The following GDA variants were observed in gnomAD, a reference collection of about 807,000 sequenced individuals.
The protein encoded by GDA is cytoplasmic PSD-95 interactor.
In GDA, 18 loss-of-function variants were observed where a neutral mutation model predicts 59.6. The ratio of observed to expected loss-of-function variants is 0.30; its 90% CI spans 0.21 to 0.45. The LOEUF (loss-of-function observed/expected upper bound fraction) is 0.45. Among genes scored for constraint, GDA ranks in the 20% least tolerant of loss-of-function variants. The probability of loss-of-function intolerance (pLI) is 1.00; values close to 1 mark genes in which losing one functional copy is unlikely to be tolerated. For synonymous variants in GDA, 201 were observed against 201.1 expected, an observed-to-expected ratio of 1.00 and a Z score of 0.00; for missense variants, 427 against 552.3, an observed-to-expected ratio of 0.77 and a Z score of 2.27.
downstream of GDA, among the ~76,000 whole-genome samples, chr9:72,256,663 A>AT (rs1564235596): frequency 6.6e-6 from 1 of 152,236 alleles, no homozygotes; most frequent in Non-Finnish European, 1.5e-5. Flanking sequence ...GAAAAGTAAG[A>AT]TAAGAATGAA....
intron 1 of GDA, among the ~76,000 whole-genome samples, chr9:72,142,336 C>T (rs1158520577): frequency 6.6e-6 from 1 of 151,968 alleles, no homozygotes; most frequent in Non-Finnish European, 1.5e-5. Context: ...TGGAAACTGG[C>T]CGGGTGCGGT....
At position 72,178,654 on chromosome 9, in the gene GDA, G is replaced by A. The variant is rs138252063; in HGVS notation, c.124-16846G>A. On this transcript the variant is annotated intron_variant, in intron 1 of 13. Transcript: ENST00000358399. ...GCTGGTCTCGAACTCCTGACCTCAG[G>A]TGTTCTGCCCGCCTTGGCCTCCCAA... 1.7e-3 allele frequency among the ~76,000 whole-genome samples: 263 copies of A among 152,212 alleles called. 2 individuals are homozygous for A. Among genetic ancestry groups the A allele is most frequent in the African/African-American group, 6.1e-3 (253 of 41,542 alleles).
chr9:72,147,864 G>A (rs1225945310), upstream of GDA, among the ~76,000 whole-genome samples: 2 of 152,134 alleles, frequency 1.3e-5, no homozygotes, highest in African/African-American at 2.4e-5. Flanking sequence ...CAAGGAGCAG[G>A]GACAAGTGTA....
rs973526926 is a variant in GDA, at chr9:72,251,474, C to T, written c.*3132C>T. ...CAAAATTTGGATGCTTCTGGAGACTCTTAGACATCTTTTCATTGTTGTCCA... is the reference window on the plus strand; with the variant it reads ...CAAAATTTGGATGCTTCTGGAGACTTTTAGACATCTTTTCATTGTTGTCCA... On this transcript the variant is annotated 3_prime_UTR_variant, in exon 14 of 14. Transcript: ENST00000358399. 1 of 152,106 alleles carries T rather than the reference C, an allele frequency of 6.6e-6. No individual in the cohort carries two copies. Among genetic ancestry groups the T allele is most frequent in the Non-Finnish European group, 1.5e-5 (1 of 68,014 alleles). 9.4% of individuals were successfully genotyped at this position (152,106 alleles called of 1,614,324 possible). A position where few individuals can be genotyped will look rare whatever the true frequency, so the allele number is the denominator to read the frequency against.
intron 1 of GDA, among the ~76,000 whole-genome samples, chr9:72,155,048 C>T (rs550167744): frequency 6.6e-6 from 1 of 152,292 alleles, no homozygotes; most frequent in African/African-American, 2.4e-5. Context: ...CGTGAAGTGA[C>T]ATCAAACTTG....
intron 9 of GDA, 63 bp downstream of exon 9, chr9:72,228,103 G>A (rs1837833365): frequency 1.1e-6 from 1 of 911,326 alleles, no homozygotes; most frequent in African/African-American, 1.6e-5. Context: ...GCAGCCAAAT[G>A]CCTTTGTTTC....
At chr9:72,255,327 G>A (rs1017444840), downstream of GDA, among the ~76,000 whole-genome samples, 2 of 152,162 alleles carry the variant, frequency 1.3e-5, no homozygotes, top group African/African-American at 2.4e-5. Context: ...TTGTCATGGT[G>A]CTGGTGGGAG....
intron 1 of GDA, among the ~76,000 whole-genome samples, chr9:72,129,487 A>G (rs560846194): frequency 2.4e-4 from 37 of 152,326 alleles, no homozygotes; most frequent in South Asian, 1.7e-3. Flanking sequence ...TTAGGACTCA[A>G]TGGGTGTTGA....
intron 1 of GDA, among the ~76,000 whole-genome samples, chr9:72,187,286 G>A (rs1175042034): frequency 6.6e-6 from 1 of 152,166 alleles, no homozygotes; most frequent in Non-Finnish European, 1.5e-5. Context: ...AAGTGATTAG[G>A]CCGTGAGGAC....
At chr9:72,152,226 C>G (rs914766162) in intron 1 of GDA, among the ~76,000 whole-genome samples, 3 of 152,174 alleles carry the variant, frequency 2.0e-5, no homozygotes, top group Non-Finnish European at 4.4e-5. Flanking sequence ...AGAATCTCAG[C>G]GAGAGGGCAC....
intron 1 of GDA, among the ~76,000 whole-genome samples, chr9:72,118,133 A>G (rs1300413127): frequency 2.6e-5 from 4 of 151,686 alleles, no homozygotes; most frequent in Non-Finnish European, 4.4e-5. Context: ...TTAGGCGGGC[A>G]TGGTGGCAGG....
At chr9:72,233,801 G>T (rs1048595600) in intron 10 of GDA, among the ~76,000 whole-genome samples, 5 of 152,084 alleles carry the variant, frequency 3.3e-5, no homozygotes, top group African/African-American at 1.2e-4. Flanking sequence ...ACTTAGCTGG[G>T]CATGGTGACA....
At chr9:72,225,514 AT>A (rs1837442971) in intron 7 of GDA, among the ~76,000 whole-genome samples, 162 bp from the exon 8 acceptor site, 1 of 152,244 alleles carries the variant, frequency 6.6e-6, no homozygotes, top group Non-Finnish European at 1.5e-5. Context: ...TCTATGATGA[AT>A]ATAATTGTTT....
At chr9:72,137,407 C>T (rs1006838053) in intron 1 of GDA, among the ~76,000 whole-genome samples, 3 of 151,570 alleles carry the variant, frequency 2.0e-5, no homozygotes, top group South Asian at 2.1e-4. Context: ...CCACCACGCC[C>T]GGCTAATTTT....
rs147550950 is a variant in GDA, at chr9:72,182,192, G to A, written c.124-13308G>A. On this transcript the variant is annotated intron_variant, in intron 1 of 13. Transcript: ENST00000358399. ...TAGGTATAATTCTACCACATGATCTGTAGACCCATTCAAACTTTGCCCACT... is the reference window on the plus strand; with the variant it reads ...TAGGTATAATTCTACCACATGATCTATAGACCCATTCAAACTTTGCCCACT... Among the ~76,000 whole-genome samples, 403 of 152,204 alleles carry A rather than the reference G, an allele frequency of 2.6e-3. 2 individuals are homozygous for A. Among genetic ancestry groups the A allele is most frequent in the Non-Finnish European group, 4.4e-3 (299 of 68,024 alleles).
intron 1 of GDA, among the ~76,000 whole-genome samples, chr9:72,153,337 G>T (rs902181641): frequency 6.6e-6 from 1 of 152,084 alleles, no homozygotes; most frequent in Admixed American, 6.6e-5. Flanking sequence ...GAAAGTCATT[G>T]GTAGCTTGAT....
At chr9:72,121,324 G>A (rs752079828) in intron 1 of GDA, among the ~76,000 whole-genome samples, 4 of 152,166 alleles carry the variant, frequency 2.6e-5, no homozygotes, top group Admixed American at 6.6e-5. Flanking sequence ...TTGGCTGGGC[G>A]CAGTGGCTCA....
intron 1 of GDA, among the ~76,000 whole-genome samples, chr9:72,128,827 A>C (rs1219532768): frequency 2.6e-5 from 4 of 152,190 alleles, no homozygotes. Flanking sequence ...AAAATAGTGA[A>C]TAGCAATACA....
In GDA at chr9:72,174,016, C is replaced by T. The variant is rs1355061867; in HGVS notation, c.124-21484C>T. Among the ~76,000 whole-genome samples, 3 of 152,304 alleles carry T rather than the reference C, an allele frequency of 2.0e-5. No homozygotes were observed. The South Asian group carries it at 6.2e-4, about 32-fold the overall frequency. On this transcript the variant is annotated intron_variant, in intron 1 of 13. Transcript: ENST00000358399. ...GGGTTCTCCCTGTCTCTAAGCTCTC[C>T]TCCCAACTTACCTTACAACCATTGT... is the stretch of plus-strand genomic sequence containing the variant.
Sources: allele counts gnomAD v4.1 joint callset (sites outside exome capture counted in the v4.1 genomes callset), GRCh38; gene constraint gnomAD v4.1.1; transcripts MANE v1.5; gene names NCBI Gene and HGNC (gene_info 2026-07-23, HGNC 2026-07-21).